The following TENT2 variants were observed in gnomAD, a reference collection of about 807,000 sequenced individuals.
TENT2 encodes the protein terminal nucleotidyltransferase 2, also known as poly(A) RNA polymerase GLD2.
In TENT2, 44 loss-of-function variants were observed where a neutral mutation model predicts 72.2. The ratio of observed to expected loss-of-function variants is 0.61; its 90% CI spans 0.48 to 0.78. The LOEUF (loss-of-function observed/expected upper bound fraction) is 0.78. TENT2 is among the 30% of genes least tolerant of loss of function. The pLI, the probability that TENT2 is intolerant of heterozygous loss-of-function variation, is 0.00. For synonymous variants in TENT2, 212 were observed against 192.5 expected (o/e 1.10, Z -0.84); for missense variants, 541 against 569.6 (o/e 0.95, Z 0.51).
intron 1 of TENT2, among the ~76,000 whole-genome samples, chr5:79,616,076 G>A (rs9764136): frequency 0.062 from 9,448 of 151,794 alleles, 496 homozygotes; most frequent in Admixed American, 0.16. Context: ...TAGTAGAGAC[G>A]GGATTTTGCC....
chr5:79,677,287 T>G (rs1415616432), intron 12 of TENT2, among the ~76,000 whole-genome samples: 1 of 152,208 alleles, frequency 6.6e-6, no homozygotes, highest in African/African-American at 2.4e-5. Flanking sequence ...TTGGGTTTAT[T>G]GTACATTGAA....
chr5:79,677,803 G>T (rs1193069845), intron 12 of TENT2, among the ~76,000 whole-genome samples: 1 of 152,058 alleles, frequency 6.6e-6, no homozygotes, highest in East Asian at 1.9e-4. Flanking sequence ...GGATGTTTTT[G>T]TTTTTTGTTT....
chr5:79,683,698 G>A (rs1164604542), intron 14 of TENT2, among the ~76,000 whole-genome samples: 7 of 151,468 alleles, frequency 4.6e-5, no homozygotes, highest in Admixed American at 2.6e-4. Context: ...GGCGGATCAC[G>A]AGGTCAGGAG....
intron 4 of TENT2, 60 bp from the exon 5 acceptor site, chr5:79,640,791 A>C: frequency 1.0e-6 from 1 of 980,776 alleles, no homozygotes; most frequent in Admixed American, 2.1e-5. Flanking sequence ...GCTTCTCCAT[A>C]TAGCAATTAC....
intron 10 of TENT2, among the ~76,000 whole-genome samples, chr5:79,653,133 T>C (rs984023721): frequency 6.6e-6 from 1 of 152,244 alleles, no homozygotes; most frequent in Non-Finnish European, 1.5e-5. Flanking sequence ...CTGACTTCTT[T>C]AGAAAAATGT....
At chr5:79,627,804 G>T (rs1456030835) in intron 4 of TENT2, among the ~76,000 whole-genome samples, 1 of 152,082 alleles carries the variant, frequency 6.6e-6, no homozygotes, top group Non-Finnish European at 1.5e-5. Flanking sequence ...TTCTTTGAGT[G>T]CCACTCTCTA....
intron 4 of TENT2, among the ~76,000 whole-genome samples, chr5:79,627,491 T>C (rs2150099272): frequency 6.6e-6 from 1 of 152,292 alleles, no homozygotes; most frequent in African/African-American, 2.4e-5. Context: ...AATTTCTTTT[T>C]TTTCGTTTTT....
intron 12 of TENT2, among the ~76,000 whole-genome samples, chr5:79,674,197 C>A (rs1180013903): frequency 2.0e-5 from 3 of 152,138 alleles, no homozygotes; most frequent in Non-Finnish European, 4.4e-5. Flanking sequence ...ACCTGACCAA[C>A]ATGGTGAAAC....
At chr5:79,614,137 C>G (rs1757537036) in intron 1 of TENT2, 1 of 90,728 alleles carries the variant, frequency 1.1e-5, no homozygotes, top group Admixed American at 1.8e-4. Context: ...GAATCTTGAT[C>G]TTGTCACCCA....
intron 4 of TENT2, among the ~76,000 whole-genome samples, chr5:79,634,559 G>A (rs925606589): frequency 4.6e-5 from 7 of 151,960 alleles, no homozygotes; most frequent in Admixed American, 3.9e-4. Context: ...GGCTGGTCTC[G>A]AACTCCTGAC....
chr5:79,637,907 C>T (rs1781427639), intron 4 of TENT2, among the ~76,000 whole-genome samples: 1 of 150,518 alleles, frequency 6.6e-6, no homozygotes, highest in Admixed American at 6.7e-5. Flanking sequence ...AGGTGATTCT[C>T]TTGCCTCAGC....
At chr5:79,627,552 C>T (rs1465676529) in intron 4 of TENT2, among the ~76,000 whole-genome samples, 1 of 152,140 alleles carries the variant, frequency 6.6e-6, no homozygotes, top group Admixed American at 6.5e-5. Context: ...ATGGCACAAT[C>T]ATGGCTCACT....
chr5:79,624,004 CT>C (rs1196667799), intron 4 of TENT2, among the ~76,000 whole-genome samples: 1 of 152,046 alleles, frequency 6.6e-6, no homozygotes, highest in Non-Finnish European at 1.5e-5. Flanking sequence ...AATAATAATT[CT>C]TGGAAAATGA....
chr5:79,648,487 C>G (rs537670778), intron 8 of TENT2, 130 bp from the exon 9 acceptor site: 1 of 620,784 alleles, frequency 1.6e-6, no homozygotes, highest in Admixed American at 3.4e-5. Flanking sequence ...TTTAAAAACA[C>G]AGATCTATGG....
intron 1 of TENT2, among the ~76,000 whole-genome samples, chr5:79,616,444 T>C (rs1275875410): frequency 6.6e-6 from 1 of 151,798 alleles, no homozygotes; most frequent in Non-Finnish European, 1.5e-5. Context: ...ATCCATCTGC[T>C]TCGGCCTCCC....
At chr5:79,658,811 A>G (rs1362352196) in intron 11 of TENT2, among the ~76,000 whole-genome samples, 1 of 152,126 alleles carries the variant, frequency 6.6e-6, no homozygotes, top group Admixed American at 6.5e-5. Context: ...CATAATACTC[A>G]GATTCTTACT....
intron 14 of TENT2, among the ~76,000 whole-genome samples, chr5:79,682,681 T>C (rs1823007413): frequency 6.6e-6 from 1 of 152,192 alleles, no homozygotes; most frequent in African/African-American, 2.4e-5. Context: ...GGGGAATTTA[T>C]TGTGGCCTTA....
chr5:79,648,287 C>T (rs890625558), intron 8 of TENT2, among the ~76,000 whole-genome samples: 3 of 151,358 alleles, frequency 2.0e-5, no homozygotes, highest in African/African-American at 7.3e-5. Flanking sequence ...CAGCCTAGGC[C>T]ACAGAGCGAG....
At chr5:79,676,700 T>A (rs557656578) in intron 12 of TENT2, among the ~76,000 whole-genome samples, 1 of 152,134 alleles carries the variant, frequency 6.6e-6, no homozygotes, top group Non-Finnish European at 1.5e-5. Context: ...TGTCTCAGTT[T>A]TATATTTAAA....
Sources: allele counts gnomAD v4.1 joint callset (sites outside exome capture counted in the v4.1 genomes callset), GRCh38; gene constraint gnomAD v4.1.1; transcripts MANE v1.5; gene names NCBI Gene and HGNC (gene_info 2026-07-23, HGNC 2026-07-21).